CTBP2: variants seen among roughly 807,000 people sequenced by gnomAD.
CTBP2 encodes the protein C-terminal binding protein 2, also known as C-terminal-binding protein 2.
A neutral mutation model predicts 80.3 loss-of-function variants in CTBP2; 30 were observed. The observed-to-expected ratio is 0.37, with a 90% CI of 0.28 to 0.51. CTBP2 has a LOEUF of 0.51. CTBP2 is among the 20% of genes least tolerant of loss of function. The pLI is 0.93. For synonymous variants in CTBP2, 594 were observed against 587.4 expected (o/e 1.01, Z -0.16); for missense variants, 1,212 against 1,375.3 (o/e 0.88, Z 1.88).
At position 125,025,778 on chromosome 10, in the gene CTBP2, G is replaced by A. The variant is rs186363895; in HGVS notation, c.1678+304C>T. ...CTGCAGTCTGTTCTGAGTGACTTGC[G>A]ACTTTCTCCAAGAAACACAGTTGAG... On this transcript the variant is annotated intron_variant, in intron 1 of 8. Transcript: ENST00000309035. 4.4e-3 allele frequency among the ~76,000 whole-genome samples: 672 copies of A among 152,298 alleles called. 9 individuals are homozygous for A. The highest frequency in any genetic ancestry group is 0.017 in the Admixed American group (266 of 15,300).
At chr10:125,061,938 A>G (rs1267777210) in intron 2 of CTBP2, among the ~76,000 whole-genome samples, 2 of 152,170 alleles carry the variant, frequency 1.3e-5, no homozygotes, top group East Asian at 1.9e-4. Context: ...TAAAATGACT[A>G]AACAGAGGCC....
chr10:125,134,336 C>T (rs753216028), intron 1 of CTBP2, among the ~76,000 whole-genome samples: 1 of 152,188 alleles, frequency 6.6e-6, no homozygotes, highest in Non-Finnish European at 1.5e-5. Flanking sequence ...CGGAAGCCCC[C>T]CCGCCCCGTG....
At chr10:125,161,338 C>A (rs1203429076), upstream of CTBP2, among the ~76,000 whole-genome samples, 1 of 152,060 alleles carries the variant, frequency 6.6e-6, no homozygotes, top group South Asian at 2.1e-4. Context: ...GGCTCGGGGT[C>A]CGCTGCTCCC....
chr10:125,093,422 G>A (rs1043339888), intron 2 of CTBP2, among the ~76,000 whole-genome samples: 1 of 152,180 alleles, frequency 6.6e-6, no homozygotes, highest in Non-Finnish European at 1.5e-5. Flanking sequence ...CACTGCAGCA[G>A]GTCCTATTTT....
At chr10:125,019,637 C>T (rs1183367089) in intron 1 of CTBP2, among the ~76,000 whole-genome samples, 2 of 152,180 alleles carry the variant, frequency 1.3e-5, no homozygotes, top group Admixed American at 1.3e-4. Flanking sequence ...GGACCCCTAC[C>T]TCACACCATA....
intron 1 of CTBP2, among the ~76,000 whole-genome samples, chr10:125,130,986 G>A (rs766200761): frequency 1.3e-5 from 2 of 152,054 alleles, no homozygotes; most frequent in Non-Finnish European, 2.9e-5. Flanking sequence ...AAAAACCGAA[G>A]CCAAGACACG....
At chr10:125,015,315 C>A (rs1956361064) in intron 1 of CTBP2, among the ~76,000 whole-genome samples, 2 of 152,234 alleles carry the variant, frequency 1.3e-5, no homozygotes, top group Admixed American at 1.3e-4. Context: ...CTCTTCGAGT[C>A]CTGCACTGTC....
chr10:125,101,772 G>A (rs550793703), intron 2 of CTBP2, among the ~76,000 whole-genome samples: 2 of 152,270 alleles, frequency 1.3e-5, no homozygotes, highest in African/African-American at 4.8e-5. Context: ...CTCCAGCCCA[G>A]CCAGGCGAGC....
At chr10:125,057,026 G>A (rs1964071471) in intron 2 of CTBP2, among the ~76,000 whole-genome samples, 1 of 152,360 alleles carries the variant, frequency 6.6e-6, no homozygotes, top group Non-Finnish European at 1.5e-5. Flanking sequence ...CCCCAGCCGG[G>A]GAAGCATGCC....
In CTBP2 at chr10:125,005,500, G is replaced by C. The variant is rs755148909; in HGVS notation, c.1679-2008C>G. The C allele has an allele frequency of 9.3e-5, 143 of 1,543,216 alleles. No individual in the cohort carries two copies. In the East Asian group the frequency reaches 3.3e-3, roughly 36 times the overall value. On this transcript the variant is annotated intron_variant, in intron 1 of 8. Transcript: ENST00000309035. Reference sequence around the variant, plus strand: ...TGCACCAGGAAAACAGGGCAGGGGAGGGGGAAAATAAGGCAGGGACGAGGG... The same window carrying C: ...TGCACCAGGAAAACAGGGCAGGGGACGGGGAAAATAAGGCAGGGACGAGGG...
At chr10:125,056,178 A>G (rs1048137648) in intron 2 of CTBP2, among the ~76,000 whole-genome samples, 1 of 146,394 alleles carries the variant, frequency 6.8e-6, no homozygotes, top group Non-Finnish European at 1.5e-5. Flanking sequence ...AATAAAAATA[A>G]TAATAATAAT....
chr10:125,032,138 G>A (rs1430386971), upstream of CTBP2, among the ~76,000 whole-genome samples: 5 of 152,048 alleles, frequency 3.3e-5, no homozygotes, highest in African/African-American at 1.2e-4. Context: ...ACCCCAGCTG[G>A]GATGCAGGAC....
rs191546475 is a variant in CTBP2, at chr10:125,042,222, C to A, written c.-101-3067G>T. ...CTCCTTAGCCCTCCCAAGGAGCAAG[C>A]TATTTACGAGGACTTAATTAACATA... On this transcript the variant is annotated intron_variant, in intron 2 of 10. Coordinates refer to the CTBP2 transcript ENST00000337195. 1.6e-3 allele frequency among the ~76,000 whole-genome samples: 241 copies of A among 152,348 alleles called. 1 individual carries two copies. Among genetic ancestry groups the A allele is most frequent in the Admixed American group, 7.5e-3 (115 of 15,306 alleles).
At chr10:125,019,627 G>A (rs1956852814) in intron 1 of CTBP2, among the ~76,000 whole-genome samples, 1 of 152,042 alleles carries the variant, frequency 6.6e-6, no homozygotes. Context: ...TGGCTGAATG[G>A]GACCCCTACC....
chr10:125,069,063 C>T (rs1845068378), intron 2 of CTBP2, among the ~76,000 whole-genome samples: 1 of 152,104 alleles, frequency 6.6e-6, no homozygotes, highest in African/African-American at 2.4e-5. Context: ...GGTGCCCACC[C>T]CCACCACTAG....
chr10:125,008,358 G>A (rs1955494947), intron 1 of CTBP2, among the ~76,000 whole-genome samples: 1 of 152,212 alleles, frequency 6.6e-6, no homozygotes, highest in Non-Finnish European at 1.5e-5. Flanking sequence ...CAGGGGCTAC[G>A]GCTGCCCAAG....
At position 125,026,581 on chromosome 10, in the gene CTBP2, C is replaced by A; in HGVS notation, c.1179G>T (p.Gln393His). Reference sequence around the variant, plus strand: ...GGTCTCCAGCTCGGGGGGATGCTGTCTGCAGAGGAGCCGCAGCGCCCAGAG... The same window carrying A: ...GGTCTCCAGCTCGGGGGGATGCTGTATGCAGAGGAGCCGCAGCGCCCAGAG... Residue 393 changes from glutamine (Q) to histidine (H), a missense_variant, in exon 1 of 9, where the codon CAG becomes CAT. By Grantham distance (24) the Gln-to-His change is conservative. This residue lies in a region of CTBP2 where 848 missense variants were observed against 782.3 expected (regional missense o/e 1.08). Coordinates refer to ENST00000309035, the MANE Select transcript of CTBP2 (RefSeq NM_022802.3). 1 of 1,530,284 alleles carries A rather than the reference C, an allele frequency of 6.5e-7. No homozygotes were observed. Among genetic ancestry groups the A allele is most frequent in the Admixed American group, 2.2e-5 (1 of 46,002 alleles). 94.8% of individuals were successfully genotyped at this position (1,530,284 alleles called of 1,614,324 possible). A position where few individuals can be genotyped will look rare whatever the true frequency, so the allele number is the denominator to read the frequency against.
At chr10:125,050,541 A>G (rs1962473707) in intron 2 of CTBP2, among the ~76,000 whole-genome samples, 1 of 152,174 alleles carries the variant, frequency 6.6e-6, no homozygotes, top group Non-Finnish European at 1.5e-5. Context: ...GCAGAGTCTG[A>G]TGGGGAGGAG....
intron 2 of CTBP2, among the ~76,000 whole-genome samples, chr10:125,084,917 C>A (rs536651445): frequency 6.6e-6 from 1 of 152,218 alleles, no homozygotes; most frequent in African/African-American, 2.4e-5. Flanking sequence ...GTTCCGCCGT[C>A]GCCACGTCAG....
Sources: allele counts gnomAD v4.1 joint callset (sites outside exome capture counted in the v4.1 genomes callset), GRCh38; gene constraint gnomAD v4.1.1; regional missense constraint gnomAD v4.1.1; transcripts MANE v1.5; gene names NCBI Gene and HGNC (gene_info 2026-07-23, HGNC 2026-07-21).